The following PAX2 variants were observed in gnomAD, a reference collection of about 807,000 sequenced individuals.
PAX2 encodes paired box protein Pax-2.
In PAX2, 9 loss-of-function variants were observed where a neutral mutation model predicts 41.7. That is an observed-to-expected ratio of 0.22 (90% confidence interval 0.13 to 0.38). The LOEUF is 0.38. Ranked by LOEUF, PAX2 falls within the 10% of genes least tolerant of loss-of-function variation. The pLI is 1.00. For missense variants in PAX2, 418 were observed against 531.6 expected, an observed-to-expected ratio of 0.79 and a Z score of 2.10; for synonymous variants, 221 against 212.7, an observed-to-expected ratio of 1.04 and a Z score of -0.34.
upstream of PAX2, among the ~76,000 whole-genome samples, chr10:100,743,428 G>T (rs1159035547): frequency 6.6e-6 from 1 of 152,070 alleles, no homozygotes; most frequent in Admixed American, 6.5e-5. Flanking sequence ...GTGTGGAAGG[G>T]GGGGGGTTTA....
chr10:100,792,614 C>T (rs1347908164), intron 5 of PAX2, among the ~76,000 whole-genome samples: 2 of 152,226 alleles, frequency 1.3e-5, no homozygotes, highest in Admixed American at 6.5e-5. Context: ...GAAGGATGCT[C>T]AGAAATTGCT....
At position 100,819,267 on chromosome 10, in the gene PAX2, G is replaced by T. The variant is rs907147121; in HGVS notation, c.920-5381G>T. ...TGTCTCAAAAAAAAAAAAGGGGGGG[G>T]AGTTTAAAAACATATCAATGGCTGG... On this transcript the variant is annotated intron_variant, in intron 7 of 9. Transcript: ENST00000355243. 2.4e-4 allele frequency among the ~76,000 whole-genome samples: 36 copies of T among 147,584 alleles called. 1 individual carries two copies. Among genetic ancestry groups the T allele is most frequent in the Admixed American group, 1.1e-3 (16 of 14,672 alleles).
intron 5 of PAX2, among the ~76,000 whole-genome samples, chr10:100,784,292 T>C (rs1397126726): frequency 6.6e-6 from 1 of 152,230 alleles, no homozygotes; most frequent in African/African-American, 2.4e-5. Context: ...CCCAGGTGTG[T>C]CCTTCAGTGA....
chr10:100,805,397 C>G (rs899339531), intron 5 of PAX2, among the ~76,000 whole-genome samples: 2 of 152,156 alleles, frequency 1.3e-5, no homozygotes, highest in African/African-American at 4.8e-5. Flanking sequence ...CTGAGGGAAG[C>G]CTGGAGTGAC....
At chr10:100,816,897 C>G (rs539037094) in intron 7 of PAX2, among the ~76,000 whole-genome samples, 1 of 152,254 alleles carries the variant, frequency 6.6e-6, no homozygotes, top group East Asian at 1.9e-4. Flanking sequence ...CTTAAGTGGC[C>G]GTTTTCCTTG....
At chr10:100,786,897 G>A (rs762579777) in intron 5 of PAX2, 1 of 1,208,050 alleles carries the variant, frequency 8.3e-7, no homozygotes, top group Non-Finnish European at 1.1e-6. Flanking sequence ...CTGCCTGCCT[G>A]TCTTTCGGGA....
At chr10:100,739,479 G>A (rs1432622752) in intron 1 of PAX2, among the ~76,000 whole-genome samples, 1 of 152,196 alleles carries the variant, frequency 6.6e-6, no homozygotes, top group Non-Finnish European at 1.5e-5. Flanking sequence ...GGTAGATTTG[G>A]TGCCGGCTCG....
chr10:100,774,527 G>A (rs571406398), intron 3 of PAX2, among the ~76,000 whole-genome samples: 24 of 152,166 alleles, frequency 1.6e-4, no homozygotes, highest in African/African-American at 5.8e-4. Context: ...GGTCTCAGTG[G>A]CACCTGCATT....
intron 5 of PAX2, among the ~76,000 whole-genome samples, chr10:100,799,433 A>G (rs1847461369): frequency 6.6e-6 from 1 of 152,180 alleles, no homozygotes; most frequent in African/African-American, 2.4e-5. Context: ...GCATTCTGTG[A>G]AGACTGTGGA....
intron 4 of PAX2, among the ~76,000 whole-genome samples, chr10:100,780,560 T>A (rs1278973218): frequency 6.6e-6 from 1 of 152,204 alleles, no homozygotes. Flanking sequence ...TGGGCCAGGC[T>A]GTACCTGAGT....
chr10:100,759,692 C>A (rs1845766558), intron 3 of PAX2, among the ~76,000 whole-genome samples: 1 of 152,196 alleles, frequency 6.6e-6, no homozygotes, highest in Non-Finnish European at 1.5e-5. Flanking sequence ...GGGCAGCAGG[C>A]TGGGAGGAGA....
intron 3 of PAX2, among the ~76,000 whole-genome samples, chr10:100,757,230 G>A (rs1456302835): frequency 6.6e-6 from 1 of 152,200 alleles, no homozygotes; most frequent in Non-Finnish European, 1.5e-5. Flanking sequence ...GGAGAAAAGG[G>A]AGGAAGGCTC....
At chr10:100,822,222 A>G (rs1848397538) in intron 7 of PAX2, among the ~76,000 whole-genome samples, 1 of 152,232 alleles carries the variant, frequency 6.6e-6, no homozygotes, top group Admixed American at 6.5e-5. Flanking sequence ...TTAGACAGGT[A>G]TAGAGGAAAG....
intron 7 of PAX2, among the ~76,000 whole-genome samples, chr10:100,815,946 G>A (rs1367511258): frequency 2.0e-5 from 3 of 152,182 alleles, no homozygotes; most frequent in Non-Finnish European, 4.4e-5. Context: ...GACAAAGGTA[G>A]GAAGGGTTTG....
chr10:100,794,685 C>A (rs1415290417), intron 5 of PAX2, among the ~76,000 whole-genome samples: 3 of 152,188 alleles, frequency 2.0e-5, no homozygotes, highest in Non-Finnish European at 4.4e-5. Flanking sequence ...AGAGCCTTGC[C>A]ACTCTCCCAT....
chr10:100,737,383 C>T (rs752459310), intron 1 of PAX2, among the ~76,000 whole-genome samples: 1 of 152,264 alleles, frequency 6.6e-6, no homozygotes, highest in African/African-American at 2.4e-5. Flanking sequence ...GGCGCCTGCA[C>T]CTACTTGGGC....
intron 7 of PAX2, among the ~76,000 whole-genome samples, chr10:100,811,082 G>A (rs1239324390): frequency 7.9e-5 from 12 of 152,066 alleles, no homozygotes; most frequent in Non-Finnish European, 1.6e-4. Context: ...GTAATGACGG[G>A]GAAACTCGCT....
chr10:100,811,260 GT>G (rs1182339669), intron 7 of PAX2, among the ~76,000 whole-genome samples: 1 of 152,196 alleles, frequency 6.6e-6, no homozygotes, highest in African/African-American at 2.4e-5. Context: ...TTCTTAAAAT[GT>G]TTTTGCTGGC....
chr10:100,789,705 A>G (rs1342566926), intron 5 of PAX2, among the ~76,000 whole-genome samples: 1 of 152,116 alleles, frequency 6.6e-6, no homozygotes, highest in African/African-American at 2.4e-5. Flanking sequence ...CACAGGGGGA[A>G]AAAAAACTCA....
Sources: allele counts gnomAD v4.1 joint callset (sites outside exome capture counted in the v4.1 genomes callset), GRCh38; gene constraint gnomAD v4.1.1; transcripts MANE v1.5; gene names NCBI Gene and HGNC (gene_info 2026-07-23, HGNC 2026-07-21).